Variants in MYO18B observed in about 807,000 individuals in gnomAD.
The protein encoded by MYO18B is myosin XVIIIB.
Under a neutral mutation model 273.0 loss-of-function variants are expected in MYO18B, and 204 were observed. That is an observed-to-expected ratio of 0.75 (90% CI 0.67 to 0.84). The LOEUF (loss-of-function observed/expected upper bound fraction) is 0.84. Among genes scored for constraint, MYO18B ranks in the 40% least tolerant of loss-of-function variants. The pLI, the probability that MYO18B is intolerant of heterozygous loss-of-function variation, is 0.00. For missense variants in MYO18B, 3,212 were observed against 3,287.6 expected, an observed-to-expected ratio of 0.98 and a Z score of 0.56; for synonymous variants, 1,330 against 1,305.7, an observed-to-expected ratio of 1.02 and a Z score of -0.40.
chr22:25,859,949 C>T (rs1483957089), intron 21 of MYO18B, among the ~76,000 whole-genome samples: 1 of 152,176 alleles, frequency 6.6e-6, no homozygotes, highest in Non-Finnish European at 1.5e-5. Flanking sequence ...TTTTCCGCTA[C>T]AAGATTTGTA....
chr22:25,929,121 C>CATT (rs2092462021), intron 34 of MYO18B, among the ~76,000 whole-genome samples: 1 of 138,870 alleles, frequency 7.2e-6, no homozygotes, highest in African/African-American at 2.8e-5. Flanking sequence ...AAGATCACAC[C>CATT]ATTACACTCC....
At chr22:26,002,358 G>T (rs1296537280) in intron 40 of MYO18B, among the ~76,000 whole-genome samples, 1 of 152,084 alleles carries the variant, frequency 6.6e-6, no homozygotes, top group Non-Finnish European at 1.5e-5. Flanking sequence ...CTGAGCTTTG[G>T]GGCTGAAGGA....
At chr22:25,761,194 C>G (rs2086301797) in intron 2 of MYO18B, 63 bp downstream of exon 2, 3 of 1,575,336 alleles carry the variant, frequency 1.9e-6, no homozygotes, top group Non-Finnish European at 2.6e-6. Context: ...CCTCGGGAGA[C>G]AAGTCCGACC....
intron 28 of MYO18B, chr22:25,897,639 A>G (rs193085731): frequency 6.6e-6 from 1 of 152,386 alleles, no homozygotes; most frequent in East Asian, 1.9e-4. Flanking sequence ...ATTTAGAATT[A>G]CAGGCTTCAT....
At chr22:26,055,659 C>T in the MYO18B span, among the ~76,000 whole-genome samples, 2 of 152,136 alleles carry the variant, frequency 1.3e-5, no homozygotes, top group Non-Finnish European at 2.9e-5. Context: ...GCAGGAGGGA[C>T]AGGAGTTGTA....
At chr22:25,801,161 T>C (rs965050694) in intron 12 of MYO18B, among the ~76,000 whole-genome samples, 3 of 152,204 alleles carry the variant, frequency 2.0e-5, no homozygotes, top group Admixed American at 6.5e-5. Flanking sequence ...ATTAAAATGA[T>C]ACTCCCTTCT....
intron 17 of MYO18B, among the ~76,000 whole-genome samples, chr22:25,839,126 GTT>G (rs2090003056): frequency 2.2e-5 from 2 of 91,252 alleles, no homozygotes; most frequent in Non-Finnish European, 6.0e-5. Flanking sequence ...ATGTATGAGT[GTT>G]TGTGTATATG....
intron 20 of MYO18B, among the ~76,000 whole-genome samples, chr22:25,849,434 G>C (rs1308835678): frequency 2.6e-5 from 4 of 152,038 alleles, no homozygotes; most frequent in Admixed American, 2.6e-4. Flanking sequence ...TGCATACACA[G>C]ATACGTCAAA....
At chr22:25,842,994 A>G (rs1210002381) in intron 17 of MYO18B, among the ~76,000 whole-genome samples, 1 of 152,198 alleles carries the variant, frequency 6.6e-6, no homozygotes, top group Non-Finnish European at 1.5e-5. Context: ...CGGACACTAT[A>G]CTAAAATATT....
In MYO18B at chr22:25,832,971, G is replaced by C; in HGVS notation, c.3034G>C (p.Ala1012Pro). 1 of 1,613,890 alleles carries C rather than the reference G, an allele frequency of 6.2e-7. No homozygotes were observed. The highest frequency in any genetic ancestry group is 8.5e-7 in the Non-Finnish European group (1 of 1,179,868). Residue 1012 changes from alanine (A) to proline (P), a missense_variant, in exon 16 of 44, where the codon GCT becomes CCT. Transcript: ENST00000335473. Reference sequence around the variant, plus strand: ...GGACCCCTCCCCAGGGACCACCGTGGCTGTTGTGGATCAAAATCCCTCTCA... The same window carrying C: ...GGACCCCTCCCCAGGGACCACCGTGCCTGTTGTGGATCAAAATCCCTCTCA... ...LPDPSPGTTVAVVDQNPSQVR... is the reference protein window; with the variant it reads ...LPDPSPGTTVPVVDQNPSQVR...
chr22:25,995,463 A>G (rs1933138374), intron 40 of MYO18B, among the ~76,000 whole-genome samples: 1 of 152,204 alleles, frequency 6.6e-6, no homozygotes, highest in African/African-American at 2.4e-5. Flanking sequence ...TTTCCATGAT[A>G]TGGTTGTTAT....
rs11386513 is a variant in MYO18B, at chr22:25,882,357, GA to G, written c.4314+4321del. Among the ~76,000 whole-genome samples the G allele has an allele frequency of 6.3e-4, 93 of 147,368 alleles. No homozygotes were observed. The South Asian group carries it at 7.7e-3, about 12-fold the overall frequency. Reference sequence around the variant, plus strand: ...TTCATAGACATATTGCATGTAGATTGAAAAAAAAAAAAGAAACACCTGTTAC... The same window carrying G: ...TTCATAGACATATTGCATGTAGATTGAAAAAAAAAAAGAAACACCTGTTAC... On this transcript the variant is annotated intron_variant, in intron 25 of 43. Coordinates refer to ENST00000335473, the MANE Select transcript of MYO18B (RefSeq NM_032608.7).
intron 40 of MYO18B, 61 bp from the exon 41 acceptor site, chr22:26,003,204 C>T: frequency 6.9e-7 from 1 of 1,446,816 alleles, no homozygotes; most frequent in Non-Finnish European, 9.6e-7. Flanking sequence ...ACGTCAATAA[C>T]CATGCTTCCA....
At position 25,903,633 on chromosome 22, in the gene MYO18B, A is replaced by G. The variant is rs2091981714; in HGVS notation, c.4950A>G (p.Gln1650=). 1 of 1,602,416 alleles carries G rather than the reference A, an allele frequency of 6.2e-7. No individual in the cohort carries two copies. Among genetic ancestry groups the G allele is most frequent in the Non-Finnish European group, 8.5e-7 (1 of 1,174,314 alleles). The change falls in exon 31 of 44, where the codon CAA becomes CAG. Residue 1650 remains glutamine (Q), a splice_region_variant and synonymous_variant. Coordinates refer to ENST00000335473, the MANE Select transcript of MYO18B (RefSeq NM_032608.7). ...CTCTGTCCTCTTTGTCTCTGTAGCA[A>G]AAGGAGCAGGAAGCCTCACAGCTGA... is the stretch of plus-strand genomic sequence containing the variant. ...ELGQLQQQLK[Q]KEQEASQLKQ... is the part of the protein sequence containing the mutation.
chr22:26,049,682 A>T, the MYO18B span, among the ~76,000 whole-genome samples: 39 of 152,342 alleles, frequency 2.6e-4, no homozygotes, highest in African/African-American at 9.1e-4. Context: ...CTATTGTTGG[A>T]TAAATGAGTG....
chr22:25,772,645 G>A (rs1046001906), intron 7 of MYO18B, 135 bp downstream of exon 7: 6 of 856,906 alleles, frequency 7.0e-6, no homozygotes, highest in East Asian at 2.7e-5. Flanking sequence ...TCCTTCTCGC[G>A]GCATTGTGGC....
At chr22:25,902,893 C>G (rs1369800630) in intron 30 of MYO18B, 157 bp downstream of exon 30, 42 of 793,666 alleles carry the variant, frequency 5.3e-5, no homozygotes, top group Non-Finnish European at 7.7e-5. Flanking sequence ...AATAAAATAG[C>G]AAATGGTGGC....
chr22:25,874,126 G>A (rs1468318690), intron 22 of MYO18B, among the ~76,000 whole-genome samples, 160 bp from the exon 23 acceptor site: 1 of 152,172 alleles, frequency 6.6e-6, no homozygotes, highest in Non-Finnish European at 1.5e-5. Flanking sequence ...CAGACAAAAT[G>A]CTTTGATAAT....
At chr22:25,814,726 A>G (rs2088927632) in intron 12 of MYO18B, among the ~76,000 whole-genome samples, 1 of 152,172 alleles carries the variant, frequency 6.6e-6, no homozygotes, top group African/African-American at 2.4e-5. Context: ...TAACAATACT[A>G]GCAATAACAA....
Sources: gnomAD v4.1 joint callset for allele counts (sites outside exome capture counted in the v4.1 genomes callset) on GRCh38, gnomAD v4.1.1 for gene constraint, MANE v1.5 for transcripts, NCBI Gene and HGNC (gene_info 2026-07-23, HGNC 2026-07-21) for gene names.